Variants in CADM2 observed in about 807,000 individuals in gnomAD.
CADM2 encodes the protein cell adhesion molecule 2.
A neutral mutation model predicts 49.8 loss-of-function variants in CADM2; 12 were observed. The ratio of observed to expected loss-of-function variants is 0.24; its 90% CI spans 0.15 to 0.39. CADM2 has a LOEUF of 0.39. Among genes scored for constraint, CADM2 ranks in the 10% least tolerant of loss-of-function variants. The pLI is 1.00. For synonymous variants in CADM2, 214 were observed against 175.4 expected, an observed-to-expected ratio of 1.22 and a Z score of -1.74; for missense variants, 378 against 492.3, an observed-to-expected ratio of 0.77 and a Z score of 2.20.
intron 1 of CADM2, among the ~76,000 whole-genome samples, chr3:85,431,446 A>T (rs2036660530): frequency 6.6e-6 from 1 of 152,024 alleles, no homozygotes; most frequent in African/African-American, 2.4e-5. Context: ...GGATAATAAC[A>T]CCTATCTTTA....
chr3:85,955,492 G>T (rs1355687454), intron 7 of CADM2, among the ~76,000 whole-genome samples: 1 of 151,390 alleles, frequency 6.6e-6, no homozygotes, highest in Non-Finnish European at 1.5e-5. Context: ...CCTAAAAGAG[G>T]GGATGTGAAC....
chr3:85,302,197 T>C (rs567749603), intron 1 of CADM2, among the ~76,000 whole-genome samples: 4 of 152,202 alleles, frequency 2.6e-5, no homozygotes, highest in Non-Finnish European at 5.9e-5. Flanking sequence ...ATGTAATGTT[T>C]AAGTCTGAAC....
At chr3:85,276,346 A>C (rs2043357021) in intron 1 of CADM2, among the ~76,000 whole-genome samples, 1 of 151,362 alleles carries the variant, frequency 6.6e-6, no homozygotes, top group Admixed American at 6.6e-5. Flanking sequence ...TGACGTAATA[A>C]AAAATCAAAA....
At chr3:85,094,011 A>G (rs1162149465) in intron 1 of CADM2, among the ~76,000 whole-genome samples, 1 of 152,038 alleles carries the variant, frequency 6.6e-6, no homozygotes, top group Non-Finnish European at 1.5e-5. Flanking sequence ...CCCCATTTGT[A>G]CACTAGTGTA....
intron 1 of CADM2, among the ~76,000 whole-genome samples, chr3:85,252,461 A>C (rs1419150975): frequency 6.6e-6 from 1 of 151,966 alleles, no homozygotes; most frequent in Non-Finnish European, 1.5e-5. Flanking sequence ...TTGTAAGTAG[A>C]GATTTTAAAA....
chr3:85,221,209 A>G (rs1018587011), intron 1 of CADM2, among the ~76,000 whole-genome samples: 3 of 152,120 alleles, frequency 2.0e-5, no homozygotes, highest in Admixed American at 6.5e-5. Flanking sequence ...ACTGTATTCA[A>G]TTGCCAGCTT....
At position 85,688,247 on chromosome 3, in the gene CADM2, T is replaced by A. The variant is rs574789676; in HGVS notation, c.62-38275T>A. 2.6e-5 allele frequency among the ~76,000 whole-genome samples: 4 copies of A among 152,260 alleles called. No individual in the cohort carries two copies. The East Asian group carries it at 7.7e-4, about 29-fold the overall frequency. ...GACCGTTTGCATATAATAAAGAATA[T>A]TCAAAACTCAATAATATAACATCTA... On this transcript the variant is annotated intron_variant, in intron 1 of 9. Transcript: ENST00000383699.
chr3:84,994,206 T>C (rs2033055477), intron 1 of CADM2, among the ~76,000 whole-genome samples: 1 of 152,216 alleles, frequency 6.6e-6, no homozygotes, highest in African/African-American at 2.4e-5. Context: ...TTTCCACTTC[T>C]GACTCTCTAA....
intron 1 of CADM2, among the ~76,000 whole-genome samples, chr3:85,667,280 C>T (rs2107623891): frequency 6.6e-6 from 1 of 152,090 alleles, no homozygotes; most frequent in African/African-American, 2.4e-5. Context: ...TAAAAGACAA[C>T]ATTAATTTTA....
chr3:85,071,692 TAAATC>T (rs1314431969), intron 1 of CADM2, among the ~76,000 whole-genome samples: 2 of 152,148 alleles, frequency 1.3e-5, no homozygotes, highest in African/African-American at 2.4e-5. Flanking sequence ...AGTGGATAGT[TAAATC>T]AAAATGACTG....
At chr3:85,400,011 A>G (rs1196608590) in intron 1 of CADM2, among the ~76,000 whole-genome samples, 2 of 152,148 alleles carry the variant, frequency 1.3e-5, no homozygotes, top group Non-Finnish European at 2.9e-5. Context: ...GAGCGAGGGC[A>G]TCCCTGTCTT....
chr3:85,899,296 C>A (rs746127384), intron 5 of CADM2, among the ~76,000 whole-genome samples: 3 of 152,036 alleles, frequency 2.0e-5, no homozygotes, highest in African/African-American at 4.8e-5. Context: ...TTTTATGAAT[C>A]ATGCTTTAGT....
At chr3:85,660,593 G>A (rs918479526) in intron 1 of CADM2, among the ~76,000 whole-genome samples, 4 of 151,910 alleles carry the variant, frequency 2.6e-5, no homozygotes, top group African/African-American at 9.7e-5. Context: ...ACTACACTTT[G>A]ATCATTTCAC....
At chr3:85,702,458 C>T (rs1186342464) in intron 1 of CADM2, among the ~76,000 whole-genome samples, 2 of 152,122 alleles carry the variant, frequency 1.3e-5, no homozygotes, top group Admixed American at 1.3e-4. Flanking sequence ...CATGAACCCT[C>T]ATATTTTCAT....
chr3:85,372,337 T>TTA (rs150877241), intron 1 of CADM2, among the ~76,000 whole-genome samples: 13,479 of 149,314 alleles, frequency 0.09, 1,817 homozygotes, highest in African/African-American at 0.29. Context: ...TAGATGAAAT[T>TTA]TATATATATA....
chr3:85,289,487 G>T (rs1413304509), intron 1 of CADM2, among the ~76,000 whole-genome samples: 1 of 152,124 alleles, frequency 6.6e-6, no homozygotes, highest in Non-Finnish European at 1.5e-5. Flanking sequence ...TTGATTATCT[G>T]GTTAATTTGT....
chr3:85,163,866 T>G (rs184065290), intron 1 of CADM2, among the ~76,000 whole-genome samples: 66 of 152,118 alleles, frequency 4.3e-4, no homozygotes, highest in Non-Finnish European at 6.6e-4. Context: ...TACAATCAAT[T>G]TTAGAACATT....
At chr3:85,099,631 G>A (rs2037936589) in intron 1 of CADM2, among the ~76,000 whole-genome samples, 1 of 151,676 alleles carries the variant, frequency 6.6e-6, no homozygotes, top group East Asian at 1.9e-4. Context: ...CATTAACCCT[G>A]GCTAATTTTT....
At chr3:85,900,881 C>T (rs188012758) in intron 5 of CADM2, among the ~76,000 whole-genome samples, 74 of 152,250 alleles carry the variant, frequency 4.9e-4, no homozygotes, top group African/African-American at 1.7e-3. Context: ...CATGGAAATT[C>T]ACTTCATGAT....
Sources: gnomAD v4.1 joint callset for allele counts (sites outside exome capture counted in the v4.1 genomes callset) on GRCh38, gnomAD v4.1.1 for gene constraint, MANE v1.5 for transcripts, NCBI Gene and HGNC (gene_info 2026-07-23, HGNC 2026-07-21) for gene names.